The following GADL1 variants were observed in gnomAD, a reference collection of about 807,000 sequenced individuals.
GADL1 encodes GAD like acidic amino acid decarboxylase 1, also known as acidic amino acid decarboxylase GADL1.
Under a neutral mutation model 69.5 loss-of-function variants are expected in GADL1, and 71 were observed. That is an observed-to-expected ratio of 1.02 (90% CI 0.84 to 1.25). GADL1 has a LOEUF of 1.25. Ranked by LOEUF, GADL1 falls within the 50% of genes most tolerant of loss-of-function variation. The probability of loss-of-function intolerance (pLI) is 0.00; values close to 1 mark genes in which losing one functional copy is unlikely to be tolerated. For missense variants in GADL1, 737 were observed against 631.8 expected (o/e 1.17, Z -1.79); for synonymous variants, 254 against 214.4 (o/e 1.18, Z -1.62).
intron 14 of GADL1, among the ~76,000 whole-genome samples, chr3:30,754,729 T>TA (rs1293337636): frequency 6.6e-6 from 1 of 152,206 alleles, no homozygotes; most frequent in East Asian, 1.9e-4. Context: ...CAGAGCAAAT[T>TA]AAGCAGTGAG....
intron 8 of GADL1, among the ~76,000 whole-genome samples, chr3:30,839,708 C>T (rs1442162151): frequency 6.6e-6 from 1 of 152,048 alleles, no homozygotes; most frequent in Admixed American, 6.6e-5. Flanking sequence ...ACAGAGAAAT[C>T]CATTGGCATG....
intron 14 of GADL1, among the ~76,000 whole-genome samples, chr3:30,763,500 TCGGCGG>T (rs143328349): frequency 0.49 from 48,758 of 99,348 alleles, 9,906 homozygotes; most frequent in African/African-American, 0.56. Context: ...AGACTCCGTC[TCGGCGG>T]CGGGGGGTGG....
In GADL1 at chr3:30,833,903, T is replaced by A. The variant is rs1332496014; in HGVS notation, c.1000A>T (p.Met334Leu). The A allele has an allele frequency of 6.2e-6, 10 of 1,612,744 alleles. No homozygotes were observed. ...ADSVAWNPHK[M>L]LMAGIQCCAL... ...CAGCACTGGATCCCAGCCATCAGCATCTTGTGTGGGTTCCAGGCCACAGAG... is the reference window on the plus strand; with the variant it reads ...CAGCACTGGATCCCAGCCATCAGCAACTTGTGTGGGTTCCAGGCCACAGAG... Residue 334 changes from methionine to leucine, a missense_variant, in exon 11 of 15, where the codon ATG becomes TTG. By Grantham distance (15) the Met-to-Leu change is conservative (BLOSUM62 2). Transcript: ENST00000282538.
chr3:30,800,804 TAGACACAC>T lies in GADL1; in HGVS notation c.1250+77_1250+84del, dbSNP rs1215248719. 187 of 961,050 alleles carry T rather than the reference TAGACACAC, an allele frequency of 1.9e-4. No homozygotes were observed. The African/African-American group carries it at 2.5e-3, about 13-fold the overall frequency. 59.5% of individuals were successfully genotyped at this position (961,050 alleles called of 1,614,324 possible). A position where few individuals can be genotyped will look rare whatever the true frequency, so the allele number is the denominator to read the frequency against. On this transcript the variant is annotated intron_variant, in intron 12 of 14. Transcript: ENST00000282538. ...TAGGTCTTCCTATTACAGACACAGA[TAGACACAC>T]ACACACACACACACACACACACACA...
chr3:30,885,840 C>G (rs1015276222), intron 1 of GADL1, among the ~76,000 whole-genome samples: 3 of 151,984 alleles, frequency 2.0e-5, no homozygotes, highest in African/African-American at 7.2e-5. Context: ...CTCCTGATCT[C>G]AAGTGATCCT....
At chr3:30,768,700 A>G (rs1696346620) in intron 14 of GADL1, among the ~76,000 whole-genome samples, 1 of 152,126 alleles carries the variant, frequency 6.6e-6, no homozygotes, top group Admixed American at 6.6e-5. Context: ...CCTCTGAGAT[A>G]AAGATGAAGA....
rs967418797 is a variant in GADL1 at position 30,778,322 on chromosome 3, A to G, written c.1303-54T>C. ...TATCTTAAGATTTATCTTAGAATGC[A>G]ATGAAATACTTTTAAAACTCTTAGC... On this transcript the variant is annotated intron_variant, in intron 13 of 14. Transcript: ENST00000282538. 5.3e-6 allele frequency: 6 copies of G among 1,127,486 alleles called. No homozygotes were observed. The East Asian group carries it at 9.5e-5, about 18-fold the overall frequency. The allele number at this position is 1,127,486 out of a possible 1,614,324, so 69.8% of individuals were successfully genotyped here.
intron 4 of GADL1, among the ~76,000 whole-genome samples, chr3:30,852,639 A>T (rs1698166752): frequency 1.4e-5 from 2 of 140,296 alleles, no homozygotes; most frequent in Admixed American, 1.5e-4. Context: ...AGTTACTTTC[A>T]TAATAAAAAA....
intron 14 of GADL1, among the ~76,000 whole-genome samples, chr3:30,731,446 G>C (rs1249032001): frequency 1.3e-5 from 2 of 152,114 alleles, no homozygotes; most frequent in African/African-American, 4.8e-5. Flanking sequence ...GCTCACATGA[G>C]GCAATTATCA....
chr3:30,849,302 A>T (rs1698107960), intron 6 of GADL1, among the ~76,000 whole-genome samples: 1 of 152,088 alleles, frequency 6.6e-6, no homozygotes, highest in African/African-American at 2.4e-5. Flanking sequence ...TAGAATGATA[A>T]CTCTATATTT....
At chr3:30,754,015 G>A (rs1023703579) in intron 14 of GADL1, among the ~76,000 whole-genome samples, 3 of 152,082 alleles carry the variant, frequency 2.0e-5, no homozygotes, top group Admixed American at 1.3e-4. Flanking sequence ...AGGTGGTGAG[G>A]GCTACTTGCA....
intron 13 of GADL1, among the ~76,000 whole-genome samples, chr3:30,780,033 A>C (rs75459322): frequency 6.6e-6 from 1 of 152,118 alleles, no homozygotes; most frequent in African/African-American, 2.4e-5. Context: ...AGCTTCCCCC[A>C]GTACACCCCT....
At chr3:30,805,758 T>TTG (rs1553640487) in intron 11 of GADL1, among the ~76,000 whole-genome samples, 1 of 143,314 alleles carries the variant, frequency 7.0e-6, no homozygotes, top group Non-Finnish European at 1.5e-5. Flanking sequence ...TTTTTTTTTT[T>TTG]GGGCACCAGG....
Position 30,741,138 on chromosome 3 carries a change from A to G in GADL1, c.1393-12723T>C, listed in dbSNP as rs914212178. On this transcript the variant is annotated intron_variant, in intron 14 of 14. Transcript: ENST00000282538. ...TATATATATATATATATATATATAT[A>G]TGTGTGAGATAGGTGGTTTGTTTGT... is the stretch of plus-strand genomic sequence containing the variant. 6.0e-3 allele frequency among the ~76,000 whole-genome samples: 484 copies of G among 81,178 alleles called. 2 individuals carry two copies. The highest frequency in any genetic ancestry group is 0.01 in the Admixed American group (92 of 8,914). 53.3% of individuals were successfully genotyped at this position (81,178 alleles called of 152,430 possible).
intron 13 of GADL1, among the ~76,000 whole-genome samples, chr3:30,784,158 A>G (rs2125498730): frequency 6.6e-6 from 1 of 152,338 alleles, no homozygotes; most frequent in South Asian, 2.1e-4. Flanking sequence ...CATGTTTATA[A>G]TGCCATTATG....
chr3:30,874,223 C>T (rs1395978814), intron 1 of GADL1, among the ~76,000 whole-genome samples: 1 of 151,844 alleles, frequency 6.6e-6, no homozygotes, highest in Admixed American at 6.6e-5. Flanking sequence ...GAGCAAATGT[C>T]CTAAAAATTG....
Position 30,800,920 on chromosome 3 carries a change from C to CTTCAAGG in GADL1, c.1212_1218dup (p.Glu407ProfsTer2). ...AAAGCAAGAGCACGATTAACTCTTT[C>CTTCAAGG]TTCAAGGCCTAATGTACCCAGGGCC... On this transcript the variant is annotated stop_gained and frameshift_variant, in exon 12 of 15. Transcript: ENST00000282538. LOFTEE classifies it high-confidence loss of function. 6.2e-7 allele frequency: 1 copy of CTTCAAGG among 1,611,976 alleles called. No homozygotes were observed. Among genetic ancestry groups the CTTCAAGG allele is most frequent in the Admixed American group, 1.7e-5 (1 of 59,904 alleles).
chr3:30,838,087 C>A (rs1437198729), intron 9 of GADL1, among the ~76,000 whole-genome samples: 2 of 151,926 alleles, frequency 1.3e-5, no homozygotes, highest in South Asian at 4.2e-4. Flanking sequence ...GGGTATATCC[C>A]CCCAAATGCT....
chr3:30,888,767 G>A (rs554285991), intron 1 of GADL1, among the ~76,000 whole-genome samples: 1 of 151,854 alleles, frequency 6.6e-6, no homozygotes, highest in Admixed American at 6.6e-5. Context: ...AATGAAGTAG[G>A]GCTTTCCTTT....
Sources: allele counts gnomAD v4.1 joint callset (sites outside exome capture counted in the v4.1 genomes callset), GRCh38; gene constraint gnomAD v4.1.1; transcripts MANE v1.5; gene names NCBI Gene and HGNC (gene_info 2026-07-23, HGNC 2026-07-21).